Variants in AK5 observed in about 807,000 individuals in gnomAD.
The protein encoded by AK5 is adenylate kinase isoenzyme 5.
AK5 carries 27 observed loss-of-function variants against 69.5 expected under a neutral mutation model. The ratio of observed to expected loss-of-function variants is 0.39; its 90% CI spans 0.29 to 0.54. The LOEUF is 0.54. AK5 is among the 20% of genes least tolerant of loss of function. The pLI is 0.71. For missense variants in AK5, 531 were observed against 700.4 expected, an observed-to-expected ratio of 0.76 and a Z score of 2.73; for synonymous variants, 260 against 244.4, an observed-to-expected ratio of 1.06 and a Z score of -0.60.
At chr1:77,414,944 A>G (rs935698872) in intron 7 of AK5, among the ~76,000 whole-genome samples, 1 of 152,170 alleles carries the variant, frequency 6.6e-6, no homozygotes, top group Non-Finnish European at 1.5e-5. Context: ...AAGCCATTCA[A>G]TCATTATCCA....
chr1:77,511,605 A>G (rs1282571053), intron 10 of AK5, among the ~76,000 whole-genome samples: 1 of 152,232 alleles, frequency 6.6e-6, no homozygotes, highest in Non-Finnish European at 1.5e-5. Flanking sequence ...ACCAGGAGAA[A>G]GAAGGATATT....
intron 6 of AK5, among the ~76,000 whole-genome samples, chr1:77,391,399 ATATATACACACACATATATATG>A (rs1159571192): frequency 6.2e-5 from 9 of 144,576 alleles, no homozygotes; most frequent in African/African-American, 2.3e-4. Context: ...AAATATATAT[ATATATACACACACATATATATG>A]TATATATATA....
chr1:77,391,519 A>ATATATATATATATG (rs1648481862), intron 6 of AK5, among the ~76,000 whole-genome samples: 2 of 126,678 alleles, frequency 1.6e-5, no homozygotes, highest in African/African-American at 5.9e-5. Flanking sequence ...ATATATATAT[A>ATATATATATATATG]TATATATATC....
chr1:77,467,866 A>C (rs1432573000), intron 8 of AK5, among the ~76,000 whole-genome samples: 1 of 152,222 alleles, frequency 6.6e-6, no homozygotes, highest in Non-Finnish European at 1.5e-5. Flanking sequence ...AGCAGTGAGC[A>C]TGCCCTGCAC....
chr1:77,428,595 C>CTT (rs58114645), intron 8 of AK5, among the ~76,000 whole-genome samples: 186 of 150,222 alleles, frequency 1.2e-3, no homozygotes, highest in African/African-American at 3.4e-3. Flanking sequence ...TATCCAAGTT[C>CTT]TTTTTTTTTT....
intron 3 of AK5, among the ~76,000 whole-genome samples, chr1:77,294,666 T>C (rs1281921727): frequency 6.6e-6 from 1 of 152,134 alleles, no homozygotes; most frequent in Non-Finnish European, 1.5e-5. Flanking sequence ...ATAACAATGA[T>C]AATAGTTCAT....
At chr1:77,418,650 GA>G (rs1393627592) in intron 8 of AK5, among the ~76,000 whole-genome samples, 1 of 152,118 alleles carries the variant, frequency 6.6e-6, no homozygotes, top group Non-Finnish European at 1.5e-5. Flanking sequence ...TTTTAAAAAA[GA>G]AAAATGTCCA....
chr1:77,299,222 A>C (rs984873151), intron 5 of AK5, among the ~76,000 whole-genome samples: 1 of 151,626 alleles, frequency 6.6e-6, no homozygotes, highest in Non-Finnish European at 1.5e-5. Flanking sequence ...ATGGGTTACT[A>C]TTAAGGTTAA....
chr1:77,371,722 G>C (rs936717807), intron 6 of AK5, among the ~76,000 whole-genome samples: 1 of 152,180 alleles, frequency 6.6e-6, no homozygotes, highest in Non-Finnish European at 1.5e-5. Context: ...GACTTAAAAA[G>C]ATAAGGAGCT....
At chr1:77,392,476 A>G (rs1350274901) in intron 6 of AK5, among the ~76,000 whole-genome samples, 1 of 152,254 alleles carries the variant, frequency 6.6e-6, no homozygotes, top group African/African-American at 2.4e-5. Context: ...AACAAACACT[A>G]ATGTTTTCTT....
chr1:77,287,924 A>T (rs1315582875), intron 2 of AK5, among the ~76,000 whole-genome samples: 1 of 152,200 alleles, frequency 6.6e-6, no homozygotes, highest in Non-Finnish European at 1.5e-5. Context: ...TTAGGTTTTC[A>T]ATCTTGTCTA....
chr1:77,307,514 G>T (rs1323675857), intron 5 of AK5, among the ~76,000 whole-genome samples: 2 of 151,872 alleles, frequency 1.3e-5, no homozygotes, highest in African/African-American at 4.8e-5. Context: ...GACTTATTTT[G>T]TGACCTAAAA....
rs201307934 is a variant in AK5, at chr1:77,297,555, C to T, written c.416-4C>T. On this transcript the variant is annotated splice_region_variant and splice_polypyrimidine_tract_variant and intron_variant, in intron 3 of 13. Transcript: ENST00000354567. ...ATCACAGTTTTGCCTGTTTTAAATACTAGGTGGTCCAGGAAGTGGAAAGGG... is the reference window on the plus strand; with the variant it reads ...ATCACAGTTTTGCCTGTTTTAAATATTAGGTGGTCCAGGAAGTGGAAAGGG... 90 of 1,595,606 alleles carry T rather than the reference C, an allele frequency of 5.6e-5. No individual in the cohort carries two copies. The African/African-American group carries it at 1.1e-3, about 20-fold the overall frequency.
At chr1:77,444,194 G>T (rs1652522579) in intron 8 of AK5, among the ~76,000 whole-genome samples, 1 of 107,556 alleles carries the variant, frequency 9.3e-6, no homozygotes, top group Non-Finnish European at 1.9e-5. Context: ...TCAGATAAGT[G>T]GTATATATAT....
intron 12 of AK5, among the ~76,000 whole-genome samples, chr1:77,534,897 G>A (rs563118484): frequency 3.3e-5 from 5 of 152,174 alleles, no homozygotes; most frequent in African/African-American, 9.7e-5. Flanking sequence ...CGTGGTTCTG[G>A]AAGTTATGGG....
intron 10 of AK5, among the ~76,000 whole-genome samples, chr1:77,517,364 C>T (rs1392186888): frequency 6.6e-6 from 1 of 152,098 alleles, no homozygotes; most frequent in African/African-American, 2.4e-5. Flanking sequence ...TCAATGTGGC[C>T]ACAATGGGGA....
intron 6 of AK5, among the ~76,000 whole-genome samples, chr1:77,368,682 A>G (rs2198511): frequency 0.076 from 11,616 of 152,192 alleles, 526 homozygotes; most frequent in East Asian, 0.17. Context: ...TAGCATCACC[A>G]GAATCCCTGT....
intron 5 of AK5, chr1:77,314,175 A>G (rs1660117847): frequency 3.4e-6 from 1 of 295,230 alleles, no homozygotes; most frequent in South Asian, 3.3e-5. Flanking sequence ...ATGTGAGGAG[A>G]TGGAGGCTAC....
intron 12 of AK5, among the ~76,000 whole-genome samples, chr1:77,529,860 G>C (rs1326185079): frequency 1.3e-5 from 2 of 152,062 alleles, no homozygotes; most frequent in South Asian, 4.2e-4. Context: ...CATATTAATA[G>C]AAGTAGAATG....
Sources: allele counts gnomAD v4.1 joint callset (sites outside exome capture counted in the v4.1 genomes callset), GRCh38; gene constraint gnomAD v4.1.1; transcripts MANE v1.5; gene names NCBI Gene and HGNC (gene_info 2026-07-23, HGNC 2026-07-21).